DLG2: variants seen among roughly 807,000 people sequenced by gnomAD.
DLG2 encodes disks large homolog 2.
In DLG2, 45 loss-of-function variants were observed where a neutral mutation model predicts 132.5. The observed-to-expected ratio is 0.34, with a 90% CI of 0.27 to 0.44. DLG2 has a LOEUF of 0.44. DLG2 is among the 20% of genes least tolerant of loss of function. The pLI, the probability that DLG2 is intolerant of heterozygous loss-of-function variation, is 1.00. For synonymous variants in DLG2, 424 were observed against 419.6 expected (o/e 1.01, Z -0.13); for missense variants, 1,045 against 1,196.9 (o/e 0.87, Z 1.87).
chr11:85,404,791 C>A (rs1224817904), intron 3 of DLG2, among the ~76,000 whole-genome samples: 1 of 151,954 alleles, frequency 6.6e-6, no homozygotes, highest in Non-Finnish European at 1.5e-5. Context: ...TGACTCTTAA[C>A]CCTCAAAACA....
rs181432601 is a variant in DLG2 at position 84,786,563 on chromosome 11, C to T, written c.358-251832G>A. Among the ~76,000 whole-genome samples, 7 of 152,268 alleles carry T rather than the reference C, an allele frequency of 4.6e-5. No individual in the cohort carries two copies. The East Asian group carries it at 1.4e-3, about 29-fold the overall frequency. On this transcript the variant is annotated intron_variant, in intron 6 of 27. Coordinates refer to ENST00000376104, the MANE Select transcript of DLG2 (RefSeq NM_001142699.3). Reference sequence around the variant, plus strand: ...GCACTGAGCTCCCTATTTCTCTGTTCCGCCTTCCGTCCACTCATGTAAACA... The same window carrying T: ...GCACTGAGCTCCCTATTTCTCTGTTTCGCCTTCCGTCCACTCATGTAAACA...
intron 19 of DLG2, among the ~76,000 whole-genome samples, chr11:83,544,575 T>C (rs1435461886): frequency 6.6e-6 from 1 of 152,084 alleles, no homozygotes; most frequent in Non-Finnish European, 1.5e-5. Context: ...TCAGTGCTCT[T>C]CACCTTGCCC....
At chr11:85,364,387 A>C (rs553037830) in intron 3 of DLG2, among the ~76,000 whole-genome samples, 1 of 152,318 alleles carries the variant, frequency 6.6e-6, no homozygotes, top group Admixed American at 6.5e-5. Flanking sequence ...TCCCACTAAG[A>C]AGCAGCCCTT....
intron 6 of DLG2, among the ~76,000 whole-genome samples, chr11:84,703,463 A>G (rs992191687): frequency 1.3e-5 from 2 of 151,566 alleles, no homozygotes; most frequent in Non-Finnish European, 3.0e-5. Flanking sequence ...AAAGTGATTC[A>G]ACAAATGAAG....
intron 7 of DLG2, among the ~76,000 whole-genome samples, chr11:84,296,569 G>A (rs1169645658): frequency 1.3e-5 from 2 of 152,100 alleles, no homozygotes; most frequent in Non-Finnish European, 2.9e-5. Context: ...CTCTGGAGTA[G>A]CTGGAACTAC....
At chr11:84,945,325 C>A (rs965486317) in intron 6 of DLG2, among the ~76,000 whole-genome samples, 2 of 152,176 alleles carry the variant, frequency 1.3e-5, no homozygotes, top group African/African-American at 4.8e-5. Context: ...GAGGTAACAC[C>A]GTGGTGTTCT....
At chr11:83,826,650 C>T (rs1023326302) in intron 17 of DLG2, among the ~76,000 whole-genome samples, 1 of 152,162 alleles carries the variant, frequency 6.6e-6, no homozygotes, top group African/African-American at 2.4e-5. Flanking sequence ...TCCTCAAAAA[C>T]AGCATCAACT....
chr11:84,497,935 A>G (rs1313968386), intron 7 of DLG2, among the ~76,000 whole-genome samples: 1 of 152,142 alleles, frequency 6.6e-6, no homozygotes, highest in African/African-American at 2.4e-5. Context: ...GGCAATCAAG[A>G]TACACGATAC....
At chr11:84,333,936 A>T (rs1383793637) in intron 7 of DLG2, among the ~76,000 whole-genome samples, 2 of 152,220 alleles carry the variant, frequency 1.3e-5, no homozygotes, top group Admixed American at 6.5e-5. Context: ...TAAGTTGAAG[A>T]CGTGAGTGTC....
intron 18 of DLG2, among the ~76,000 whole-genome samples, chr11:83,650,391 A>C (rs75760490): frequency 0.014 from 2,111 of 152,280 alleles, 52 homozygotes; most frequent in African/African-American, 0.047. Flanking sequence ...GAAGGGGGTC[A>C]CAAGCCAAGA....
chr11:84,905,645 C>T (rs557065698), intron 6 of DLG2, among the ~76,000 whole-genome samples: 67 of 152,276 alleles, frequency 4.4e-4, no homozygotes, highest in Non-Finnish European at 8.4e-4. Context: ...CTCCATGTGC[C>T]TCAGGCCAAT....
At chr11:84,714,647 T>TCTTTC (rs2060981509) in intron 6 of DLG2, among the ~76,000 whole-genome samples, 2 of 90,650 alleles carry the variant, frequency 2.2e-5, no homozygotes, top group Non-Finnish European at 4.2e-5. Flanking sequence ...CTCTCTCTCT[T>TCTTTC]TCTCTCTCTC....
intron 7 of DLG2, among the ~76,000 whole-genome samples, chr11:84,318,171 G>A (rs76568027): frequency 0.097 from 14,770 of 152,174 alleles, 785 homozygotes; most frequent in African/African-American, 0.11. Flanking sequence ...ACTGAAAAAT[G>A]AGCTAATTTT....
intron 17 of DLG2, among the ~76,000 whole-genome samples, chr11:83,804,315 TA>T (rs2045324436): frequency 6.6e-6 from 1 of 152,100 alleles, no homozygotes; most frequent in Non-Finnish European, 1.5e-5. Context: ...AAATAATATT[TA>T]TTAAACTATT....
intron 8 of DLG2, among the ~76,000 whole-genome samples, chr11:84,179,769 G>C (rs1284977308): frequency 1.3e-5 from 2 of 152,040 alleles, no homozygotes; most frequent in Admixed American, 6.6e-5. Flanking sequence ...AACATAACTG[G>C]GGAAAGGGAA....
intron 3 of DLG2, among the ~76,000 whole-genome samples, chr11:85,513,928 TC>T: frequency 6.6e-6 from 1 of 152,086 alleles, no homozygotes; most frequent in South Asian, 2.1e-4. Context: ...CATCTTCTGT[TC>T]CCCATCCTCA....
rs2099219223 is a variant in DLG2, at chr11:84,502,346, CTTTCTTTCTTTCTTTCTTTCTTTCTTT to C, written c.519+32197_519+32223del. On this transcript the variant is annotated intron_variant, in intron 7 of 27. Coordinates refer to ENST00000376104, the MANE Select transcript of DLG2 (RefSeq NM_001142699.3). ...TCTTTCTTTCTTTCTTTCTTTCTTTCTTTCTTTCTTTCTTTCTTTCTTTCTTTCTTTCTTTCTTTCTTTCTTTCTTTC... is the reference window on the plus strand; with the variant it reads ...TCTTTCTTTCTTTCTTTCTTTCTTTCCTTTCTTTCTTTCTTTCTTTCTTTC... Among the ~76,000 whole-genome samples, 5 of 45,134 alleles carry C rather than the reference CTTTCTTTCTTTCTTTCTTTCTTTCTTT, an allele frequency of 1.1e-4. 2 individuals carry two copies. Among genetic ancestry groups the C allele is most frequent in the African/African-American group, 2.9e-4 (2 of 6,942 alleles). The allele number at this position is 45,134 out of a possible 152,430, so 29.6% of individuals were successfully genotyped here.
chr11:85,144,125 C>T (rs1355949671), intron 5 of DLG2, among the ~76,000 whole-genome samples: 3 of 151,670 alleles, frequency 2.0e-5, no homozygotes, highest in Non-Finnish European at 4.4e-5. Flanking sequence ...GGTGCATATA[C>T]ATTTATAATT....
At chr11:84,728,223 G>C (rs1318475029) in intron 6 of DLG2, among the ~76,000 whole-genome samples, 1 of 152,036 alleles carries the variant, frequency 6.6e-6, no homozygotes, top group East Asian at 1.9e-4. Context: ...ATTGGCTGTG[G>C]GTTTGTCATA....
Sources: allele counts gnomAD v4.1 joint callset (sites outside exome capture counted in the v4.1 genomes callset), GRCh38; gene constraint gnomAD v4.1.1; transcripts MANE v1.5; gene names NCBI Gene and HGNC (gene_info 2026-07-23, HGNC 2026-07-21).